Variants in DNAH11 observed in about 807,000 individuals in gnomAD.
DNAH11 encodes the protein dynein axonemal heavy chain 11.
A neutral mutation model predicts 526.0 loss-of-function variants in DNAH11; 442 were observed. The observed-to-expected ratio is 0.84, with a 90% confidence interval of 0.78 to 0.91. The LOEUF is 0.91. DNAH11 is among the 40% of genes least tolerant of loss of function. DNAH11 has a pLI of 0.00. For synonymous variants in DNAH11, 2,461 were observed against 1,935.9 expected (o/e 1.27, Z -7.12); for missense variants, 6,989 against 5,448.7 (o/e 1.28, Z -8.90).
chr7:21,595,251 C>A (rs1344273303), intron 14 of DNAH11, among the ~76,000 whole-genome samples: 2 of 152,204 alleles, frequency 1.3e-5, no homozygotes, highest in African/African-American at 4.8e-5. Flanking sequence ...GCAGTACTTT[C>A]ATTCATGAAG....
At chr7:21,664,438 A>G (rs73273511) in intron 30 of DNAH11, among the ~76,000 whole-genome samples, 8,645 of 150,562 alleles carry the variant, frequency 0.057, 625 homozygotes, top group Admixed American at 0.22. Flanking sequence ...TCAGGTTTCT[A>G]TAGATCTTCT....
intron 55 of DNAH11, among the ~76,000 whole-genome samples, chr7:21,771,094 A>G (rs915915912): frequency 1.8e-4 from 28 of 152,358 alleles, no homozygotes; most frequent in Middle Eastern, 3.4e-3. Context: ...AAAAATGTTC[A>G]AGACTTACTG....
At chr7:21,752,566 G>T (rs543993152) in intron 54 of DNAH11, among the ~76,000 whole-genome samples, 83 of 152,186 alleles carry the variant, frequency 5.5e-4, no homozygotes, top group Admixed American at 1.6e-3. Flanking sequence ...GCACATGTTT[G>T]TTTATAGGTC....
chr7:21,823,725 A>C (rs1487747040), intron 65 of DNAH11, among the ~76,000 whole-genome samples: 1 of 152,196 alleles, frequency 6.6e-6, no homozygotes, highest in Non-Finnish European at 1.5e-5. Flanking sequence ...TAAAACTTTT[A>C]TTTCTGTTAC....
chr7:21,892,553 T>C lies in DNAH11; in HGVS notation c.12636T>C (p.Asn4212=). Residue 4212 remains asparagine (N), a synonymous_variant, in exon 77 of 82, where the codon AAT becomes AAC. Transcript: ENST00000409508. The stretch of plus-strand genomic sequence containing the variant: ...CGGCACTGTATGGCCTCCACCCAAA[T>C]GCTGAAATAGAATTCCTGACAGTGA... ...ESPALYGLHP[N]AEIEFLTVTS... 1.2e-6 allele frequency: 2 copies of C among 1,613,940 alleles called. No individual in the cohort carries two copies. Among genetic ancestry groups the C allele is most frequent in the Non-Finnish European group, 8.5e-7 (1 of 1,179,872 alleles).
Position 21,869,095 on chromosome 7 carries a change from G to T in DNAH11, c.11967+104G>T, listed in dbSNP as rs999217283. 9 of 1,507,502 alleles carry T rather than the reference G, an allele frequency of 6.0e-6. No individual in the cohort carries two copies. In the Admixed American group the frequency reaches 2.0e-4, roughly 33 times the overall value. 93.4% of individuals were successfully genotyped at this position (1,507,502 alleles called of 1,614,324 possible). A position where few individuals can be genotyped will look rare whatever the true frequency, so the allele number is the denominator to read the frequency against. On this transcript the variant is annotated intron_variant, in intron 73 of 81. Coordinates refer to ENST00000409508, the MANE Select transcript of DNAH11 (RefSeq NM_001277115.2). The stretch of plus-strand genomic sequence containing the variant: ...TGCTCCCTTAACACCGCTGTGCATG[G>T]CGATTTGCAGAGTGCAAGCAGTACT...
chr7:21,736,802 A>G (rs540725232), intron 46 of DNAH11, among the ~76,000 whole-genome samples: 2 of 152,178 alleles, frequency 1.3e-5, no homozygotes, highest in South Asian at 4.1e-4. Flanking sequence ...CAGCCCGGGC[A>G]ATGTATTGAG....
chr7:21,732,496 G>T (rs969551465), intron 45 of DNAH11, among the ~76,000 whole-genome samples: 1 of 152,038 alleles, frequency 6.6e-6, no homozygotes, highest in African/African-American at 2.4e-5. Flanking sequence ...ATATTACTCC[G>T]GTATGACTTC....
In DNAH11 at chr7:21,711,840, A is replaced by G. The variant is rs1434891551; in HGVS notation, c.6963A>G (p.Pro2321=). The G allele has an allele frequency of 6.2e-7, 1 of 1,613,412 alleles. No homozygotes were observed. Residue 2321 remains proline (P), a synonymous_variant, in exon 42 of 82, where the codon CCA becomes CCG. Coordinates refer to ENST00000409508, the MANE Select transcript of DNAH11 (RefSeq NM_001277115.2). The stretch of plus-strand genomic sequence containing the variant: ...GAGCTGGTATTCTGTATGTGAACCC[A>G]CAAGATCTGGGCTGGAATCCGTGAG... ...VSRAGILYVN[P]QDLGWNPYVA... is the part of the protein sequence containing the mutation.
intron 49 of DNAH11, 29 bp from the exon 50 acceptor site, chr7:21,744,409 A>G (rs1314689807): frequency 5.0e-6 from 8 of 1,606,188 alleles, no homozygotes; most frequent in Non-Finnish European, 5.9e-6. Flanking sequence ...CTCTGAATTA[A>G]AGGTATTTTC....
chr7:21,831,255 T>G (rs533362203), intron 65 of DNAH11, among the ~76,000 whole-genome samples: 1 of 152,352 alleles, frequency 6.6e-6, no homozygotes, highest in Non-Finnish European at 1.5e-5. Flanking sequence ...TCATAACCTC[T>G]GGATTCATGT....
At chr7:21,893,223 A>G (rs1004825837) in intron 77 of DNAH11, among the ~76,000 whole-genome samples, 4 of 152,242 alleles carry the variant, frequency 2.6e-5, no homozygotes, top group African/African-American at 9.6e-5. Flanking sequence ...TTGCCAGATA[A>G]CAGGGTATAA....
chr7:21,622,840 C>T (rs970254730), intron 25 of DNAH11, among the ~76,000 whole-genome samples: 26 of 152,204 alleles, frequency 1.7e-4, no homozygotes, highest in Admixed American at 1.2e-3. Context: ...AAGACTTAAA[C>T]GTTAGATCTA....
At chr7:21,746,897 G>T (rs114582894) in intron 51 of DNAH11, among the ~76,000 whole-genome samples, 3 of 152,110 alleles carry the variant, frequency 2.0e-5, no homozygotes, top group African/African-American at 7.2e-5. Flanking sequence ...GTGTATGGGC[G>T]TCCTGGCTGA....
chr7:21,608,332 A>G (rs985408900), intron 20 of DNAH11, among the ~76,000 whole-genome samples: 6 of 152,234 alleles, frequency 3.9e-5, no homozygotes, highest in African/African-American at 1.4e-4. Context: ...TTCTCTAGGA[A>G]CTTAACCTGG....
In DNAH11 at chr7:21,627,603, T is replaced by C. The variant is rs115072326; in HGVS notation, c.4500+7525T>C. On this transcript the variant is annotated intron_variant, in intron 25 of 81. Coordinates refer to ENST00000409508, the MANE Select transcript of DNAH11 (RefSeq NM_001277115.2). ...AATTGGCTGTAAATGTATGGGTTTATATCTTGGGTCTCTATTCTGTTCCAT... is the reference window on the plus strand; with the variant it reads ...AATTGGCTGTAAATGTATGGGTTTACATCTTGGGTCTCTATTCTGTTCCAT... Among the ~76,000 whole-genome samples the C allele has an allele frequency of 5.1e-3, 782 of 152,298 alleles. 3 individuals are homozygous for C. Among genetic ancestry groups the C allele is most frequent in the African/African-American group, 0.018 (752 of 41,572 alleles).
chr7:21,578,899 G>A (rs969229261), intron 8 of DNAH11, among the ~76,000 whole-genome samples: 31 of 152,124 alleles, frequency 2.0e-4, no homozygotes, highest in African/African-American at 7.2e-4. Flanking sequence ...ACTCTTGCCT[G>A]TCTCTCCAAC....
At chr7:21,601,907 A>G (rs1785105476) in intron 18 of DNAH11, among the ~76,000 whole-genome samples, 1 of 151,990 alleles carries the variant, frequency 6.6e-6, no homozygotes, top group Non-Finnish European at 1.5e-5. Context: ...TAAAGAACCT[A>G]TGAGTTGCTT....
chr7:21,581,445 C>T (rs920399705), intron 8 of DNAH11, among the ~76,000 whole-genome samples: 3 of 152,086 alleles, frequency 2.0e-5, no homozygotes, highest in African/African-American at 2.4e-5. Flanking sequence ...ATAGTGTTTC[C>T]GTGTAGATTT....
Sources: gnomAD v4.1 joint callset for allele counts (sites outside exome capture counted in the v4.1 genomes callset) on GRCh38, gnomAD v4.1.1 for gene constraint, MANE v1.5 for transcripts, NCBI Gene and HGNC (gene_info 2026-07-23, HGNC 2026-07-21) for gene names.